EHMT1: variants seen among roughly 807,000 people sequenced by gnomAD.
The protein encoded by EHMT1 is histone-lysine N-methyltransferase EHMT1.
EHMT1 carries 15 observed loss-of-function variants against 147.2 expected under a neutral mutation model. The ratio of observed to expected loss-of-function variants is 0.10; its 90% confidence interval spans 0.07 to 0.16. EHMT1 has a LOEUF of 0.16. Ranked by LOEUF, EHMT1 falls within the 10% of genes least tolerant of loss-of-function variation. The pLI is 1.00. For missense variants in EHMT1, 1,587 were observed against 1,772.4 expected (o/e 0.90, Z 1.88); for synonymous variants, 795 against 709.6 (o/e 1.12, Z -1.91).
In EHMT1 at chr9:137,771,510, G is replaced by C. The variant is rs149874234; in HGVS notation, c.1648-3599G>C. Among the ~76,000 whole-genome samples the C allele has an allele frequency of 4.2e-3, 642 of 152,204 alleles. 1 individual carries two copies. Among genetic ancestry groups the C allele is most frequent in the African/African-American group, 0.014 (567 of 41,524 alleles). On this transcript the variant is annotated intron_variant, in intron 10 of 26. Coordinates refer to ENST00000460843, the MANE Select transcript of EHMT1 (RefSeq NM_024757.5). ...ATCTCCCATGTCTTTGAGCATAATCGTGCTAGTGTCTCCCACAAACACTTC... is the reference window on the plus strand; with the variant it reads ...ATCTCCCATGTCTTTGAGCATAATCCTGCTAGTGTCTCCCACAAACACTTC...
intron 9 of EHMT1, among the ~76,000 whole-genome samples, chr9:137,761,067 C>T (rs1288357911): frequency 1.3e-5 from 2 of 152,126 alleles, no homozygotes; most frequent in Non-Finnish European, 2.9e-5. Context: ...CCTTGAGCAG[C>T]GATTCATGAA....
intron 2 of EHMT1, 139 bp downstream of exon 2, chr9:137,711,169 C>A: frequency 3.7e-6 from 3 of 817,258 alleles, no homozygotes; most frequent in African/African-American, 1.7e-5. Context: ...TCTAATCTAT[C>A]CCATTCCTAA....
At chr9:137,672,409 C>T (rs934448395) in intron 1 of EHMT1, among the ~76,000 whole-genome samples, 19 of 151,936 alleles carry the variant, frequency 1.3e-4, no homozygotes, top group South Asian at 6.2e-4. Context: ...AACACTAACT[C>T]GGTGGCATTT....
chr9:137,695,624 C>T (rs563750603), intron 1 of EHMT1, among the ~76,000 whole-genome samples: 1 of 152,362 alleles, frequency 6.6e-6, no homozygotes, highest in East Asian at 1.9e-4. Flanking sequence ...CCTTCCACAT[C>T]TGGTGGCCAG....
At chr9:137,809,522 G>A (rs190501828) in intron 18 of EHMT1, among the ~76,000 whole-genome samples, 2 of 152,328 alleles carry the variant, frequency 1.3e-5, no homozygotes, top group East Asian at 3.9e-4. Context: ...CTCCTCAGCC[G>A]CCGCAGCAAA....
chr9:137,830,644 C>T (rs1468817663), intron 25 of EHMT1, among the ~76,000 whole-genome samples: 1 of 141,228 alleles, frequency 7.1e-6, no homozygotes, highest in Admixed American at 6.6e-5. Flanking sequence ...TGCAGCGTCT[C>T]ACTCCTTAGA....
intron 18 of EHMT1, chr9:137,803,431 G>A (rs979983820): frequency 2.2e-5 from 10 of 456,202 alleles, no homozygotes; most frequent in East Asian, 1.5e-4. Context: ...TGCGTGTCTC[G>A]GTTTTATAGA....
At chr9:137,680,618 C>T (rs965392095) in intron 1 of EHMT1, among the ~76,000 whole-genome samples, 1 of 152,208 alleles carries the variant, frequency 6.6e-6, no homozygotes, top group Non-Finnish European at 1.5e-5. Context: ...TACTGTTTGT[C>T]CATTGTGAGA....
intron 6 of EHMT1, chr9:137,745,594 C>G (rs1170729886): frequency 5.0e-6 from 2 of 398,558 alleles, no homozygotes; most frequent in African/African-American, 2.1e-5. Flanking sequence ...CCCCGAAGGA[C>G]AGGCAGCCCT....
At chr9:137,741,350 C>G (rs1290646846) in intron 4 of EHMT1, among the ~76,000 whole-genome samples, 1 of 151,878 alleles carries the variant, frequency 6.6e-6, no homozygotes, top group African/African-American at 2.4e-5. Context: ...TTACAGGAGT[C>G]AGCAAACTGT....
At chr9:137,821,164 C>T (rs1955385794) in intron 25 of EHMT1, among the ~76,000 whole-genome samples, 1 of 152,144 alleles carries the variant, frequency 6.6e-6, no homozygotes, top group African/African-American at 2.4e-5. Context: ...GCGTGAGCCA[C>T]TGTGCCTGGC....
At chr9:137,686,215 C>T (rs534204212) in intron 1 of EHMT1, among the ~76,000 whole-genome samples, 2 of 144,336 alleles carry the variant, frequency 1.4e-5, no homozygotes, top group Admixed American at 7.2e-5. Context: ...GTTTTGATGA[C>T]GTCCAATTTA....
At chr9:137,751,238 C>T (rs888482867) in intron 6 of EHMT1, among the ~76,000 whole-genome samples, 1 of 152,106 alleles carries the variant, frequency 6.6e-6, no homozygotes, top group African/African-American at 2.4e-5. Flanking sequence ...AACCTGGAAG[C>T]CATGAAGGAA....
Position 137,778,042 on chromosome 9 carries a change from C to G in EHMT1, c.2179C>G (p.Leu727Val), listed in dbSNP as rs1951092049. 1 of 1,613,866 alleles carries G rather than the reference C, an allele frequency of 6.2e-7. No homozygotes were observed. The change falls in exon 13 of 27, where the codon CTC (leucine) becomes GTC (valine). Residue 727 changes from leucine to valine, a missense_variant. Around this residue, in one of 7 missense-constraint regions of EHMT1, gnomAD observed 201 missense variants for 350.1 expected, o/e 0.57. Coordinates refer to ENST00000460843, the MANE Select transcript of EHMT1 (RefSeq NM_024757.5). ...KETLESALIA[L>V]DSEKPKKLRF... ...AACCTTGGAGAGCGCTCTCATCGCC[C>G]TCGACTCGGAAAAGTAAGACCTGAC...
rs544164433 is a variant in EHMT1, at chr9:137,715,472, C to T, written c.86-1154C>T. 2.3e-5 allele frequency: 21 copies of T among 920,560 alleles called. No individual in the cohort carries two copies. The African/African-American group carries it at 3.8e-4, about 16-fold the overall frequency. The allele number at this position is 920,560 out of a possible 1,614,324, so 57.0% of individuals were successfully genotyped here. The stretch of plus-strand genomic sequence containing the variant: ...GTCCTCGGGTGGAAGGACAGACGGC[C>T]AGCATGACAGATGATCAGGTCTGTT... On this transcript the variant is annotated intron_variant, in intron 2 of 26. Transcript: ENST00000460843.
chr9:137,691,016 G>T (rs551119417), intron 1 of EHMT1, among the ~76,000 whole-genome samples: 25 of 152,088 alleles, frequency 1.6e-4, no homozygotes, highest in African/African-American at 5.5e-4. Context: ...TATTCACATT[G>T]TGCTGCTGTT....
intron 1 of EHMT1, among the ~76,000 whole-genome samples, chr9:137,663,713 A>T (rs1332111299): frequency 1.3e-5 from 2 of 152,166 alleles, no homozygotes; most frequent in Non-Finnish European, 2.9e-5. Flanking sequence ...CCATGCGAGC[A>T]CACCAGCCTT....
intron 14 of EHMT1, 30 bp downstream of exon 14, chr9:137,779,747 G>A (rs775592871): frequency 6.2e-7 from 1 of 1,610,754 alleles, no homozygotes; most frequent in Non-Finnish European, 8.5e-7. Context: ...CCGGGCACAT[G>A]CAGCCGGCCC....
chr9:137,757,355 C>T (rs975553471), intron 8 of EHMT1, among the ~76,000 whole-genome samples: 1 of 152,174 alleles, frequency 6.6e-6, no homozygotes, highest in South Asian at 2.1e-4. Flanking sequence ...TGATCCTTTC[C>T]GGGAGCCTCC....
Sources: gnomAD v4.1 joint callset for allele counts (sites outside exome capture counted in the v4.1 genomes callset) on GRCh38, gnomAD v4.1.1 for gene constraint, gnomAD v4.1.1 regional missense constraint, MANE v1.5 for transcripts, NCBI Gene and HGNC (gene_info 2026-07-23, HGNC 2026-07-21) for gene names.